Variants in SPAG9 observed in about 807,000 individuals in gnomAD.
The protein encoded by SPAG9 is sperm associated antigen 9.
In SPAG9, 35 loss-of-function variants were observed where a neutral mutation model predicts 166.5. The ratio of observed to expected loss-of-function variants is 0.21; its 90% confidence interval spans 0.16 to 0.28. The LOEUF (loss-of-function observed/expected upper bound fraction) is 0.28. Ranked by LOEUF, SPAG9 falls within the 10% of genes least tolerant of loss-of-function variation. The pLI, the probability that SPAG9 is intolerant of heterozygous loss-of-function variation, is 1.00. For missense variants in SPAG9, 1,235 were observed against 1,603.3 expected, an observed-to-expected ratio of 0.77 and a Z score of 3.92; for synonymous variants, 534 against 565.5, an observed-to-expected ratio of 0.94 and a Z score of 0.79.
chr17:51,014,503 G>A, intron 8 of SPAG9, 150 bp from the exon 9 acceptor site: 1 of 597,030 alleles, frequency 1.7e-6, no homozygotes, highest in South Asian at 3.4e-5. Flanking sequence ...TTTCTCAAAG[G>A]CTTCCTAAGA....
chr17:51,103,670 AT>A (rs1292331987), intron 1 of SPAG9, among the ~76,000 whole-genome samples: 1 of 152,192 alleles, frequency 6.6e-6, no homozygotes, highest in Non-Finnish European at 1.5e-5. Context: ...TCACATCTGT[AT>A]TCTCAGCATT....
chr17:51,060,949 C>T (rs1164707066), intron 2 of SPAG9, among the ~76,000 whole-genome samples: 6 of 150,782 alleles, frequency 4.0e-5, no homozygotes, highest in East Asian at 2.0e-4. Flanking sequence ...CTGGTTGAAG[C>T]GATTCTCCTG....
intron 24 of SPAG9, 140 bp from the exon 25 acceptor site, chr17:50,982,812 G>A: frequency 1.3e-6 from 1 of 782,284 alleles, no homozygotes; most frequent in Non-Finnish European, 1.9e-6. Flanking sequence ...TCTTTTATTT[G>A]CAGCCTGGGT....
At chr17:51,078,155 G>C (rs2048068113) in intron 2 of SPAG9, among the ~76,000 whole-genome samples, 1 of 152,046 alleles carries the variant, frequency 6.6e-6, no homozygotes, top group Admixed American at 6.6e-5. Flanking sequence ...TGGTAACAAA[G>C]GTATCCAACA....
intron 1 of SPAG9, among the ~76,000 whole-genome samples, chr17:51,092,483 T>A (rs911547750): frequency 6.6e-6 from 1 of 152,084 alleles, no homozygotes; most frequent in African/African-American, 2.4e-5. Flanking sequence ...GAACACTTAT[T>A]AAGTATTAAA....
intron 5 of SPAG9, among the ~76,000 whole-genome samples, chr17:51,039,301 G>A (rs571744363): frequency 3.5e-4 from 54 of 152,284 alleles, no homozygotes; most frequent in African/African-American, 1.3e-3. Context: ...AAATGACAGG[G>A]CATGTGACAT....
intron 1 of SPAG9, among the ~76,000 whole-genome samples, chr17:51,103,636 G>GAGCA (rs2048864787): frequency 6.6e-6 from 1 of 152,172 alleles, no homozygotes; most frequent in African/African-American, 2.4e-5. Context: ...GCTTTAGAAA[G>GAGCA]AGCAACTGGC....
chr17:51,100,587 G>A (rs983241848), intron 1 of SPAG9, among the ~76,000 whole-genome samples: 3 of 151,834 alleles, frequency 2.0e-5, no homozygotes, highest in African/African-American at 4.8e-5. Flanking sequence ...AGCCATAATC[G>A]TGCCACTGCA....
At chr17:51,012,605 C>T (rs140027521) in intron 9 of SPAG9, among the ~76,000 whole-genome samples, 1 of 151,936 alleles carries the variant, frequency 6.6e-6, no homozygotes, top group East Asian at 1.9e-4. Flanking sequence ...CTTAGCCCTC[C>T]ATGAGAAACG....
intron 25 of SPAG9, among the ~76,000 whole-genome samples, chr17:50,981,556 T>C (rs1415842979): frequency 2.0e-5 from 3 of 151,732 alleles, no homozygotes; most frequent in Admixed American, 1.3e-4. Flanking sequence ...AATAGATAGA[T>C]AGATAGAATT....
intron 4 of SPAG9, chr17:51,046,842 C>T (rs1319374453): frequency 4.6e-6 from 7 of 1,531,970 alleles, no homozygotes; most frequent in Non-Finnish European, 6.1e-6. Flanking sequence ...TTCTCCCCAC[C>T]TCATAACCAT....
At chr17:51,098,325 GT>G (rs76882928) in intron 1 of SPAG9, among the ~76,000 whole-genome samples, 44,939 of 150,234 alleles carry the variant, frequency 0.3, 6,741 homozygotes, top group Admixed American at 0.36. Flanking sequence ...ACAGTTCGTG[GT>G]TTTTTTTTTC....
At chr17:51,018,440 A>G (rs550220545) in intron 8 of SPAG9, among the ~76,000 whole-genome samples, 1 of 152,276 alleles carries the variant, frequency 6.6e-6, no homozygotes, top group South Asian at 2.1e-4. Flanking sequence ...TACCAAAATG[A>G]GACTAATTTC....
At chr17:51,058,637 C>T (rs2047422564) in intron 2 of SPAG9, among the ~76,000 whole-genome samples, 1 of 152,184 alleles carries the variant, frequency 6.6e-6, no homozygotes, top group Non-Finnish European at 1.5e-5. Context: ...AGAAACAACC[C>T]ATTCACAGAT....
Position 50,974,839 on chromosome 17 carries a change from G to A in SPAG9, c.3632C>T (p.Ser1211Leu), listed in dbSNP as rs1489956217. 11 of 1,611,734 alleles carry A rather than the reference G, an allele frequency of 6.8e-6. No homozygotes were observed. The highest frequency in any genetic ancestry group is 8.5e-6 in the Non-Finnish European group (10 of 1,179,624). ...GAAGCAAAGCTGTGCATGTGCCATT[G>A]AACAATAGGGTATAAATGTCCCTGG... ...VTPGTFIPYCSMAHAQLCFHG... is the reference protein window; with the variant it reads ...VTPGTFIPYCLMAHAQLCFHG... Residue 1211 changes from serine to leucine, a missense_variant, in exon 28 of 30, where the codon TCA becomes TTA. By Grantham distance (145) the Ser-to-Leu change is moderately radical (BLOSUM62 -2). Transcript: ENST00000262013.
chr17:51,053,411 G>C (rs1000478038), intron 3 of SPAG9, among the ~76,000 whole-genome samples: 1 of 151,818 alleles, frequency 6.6e-6, no homozygotes, highest in African/African-American at 2.4e-5. Context: ...CACTGGCCAG[G>C]AGCGGTGGCT....
At chr17:51,024,277 G>T (rs376852740) in intron 6 of SPAG9, among the ~76,000 whole-genome samples, 2 of 152,072 alleles carry the variant, frequency 1.3e-5, no homozygotes, top group East Asian at 3.9e-4. Context: ...AAAAGCATTA[G>T]TGATAAAATT....
intron 6 of SPAG9, among the ~76,000 whole-genome samples, chr17:51,024,892 T>C (rs2046092895): frequency 6.8e-6 from 1 of 147,766 alleles, no homozygotes; most frequent in South Asian, 2.1e-4. Flanking sequence ...ATATTAAATG[T>C]TCTTACCACA....
At position 50,970,600 on chromosome 17, in the gene SPAG9, A is replaced by G. The variant is rs373577522; in HGVS notation, c.3850+107T>C. The G allele has an allele frequency of 6.6e-4, 613 of 923,106 alleles. 8 individuals are homozygous for G. The South Asian group carries it at 0.012, about 19-fold the overall frequency. 57.2% of individuals were successfully genotyped at this position (923,106 alleles called of 1,614,324 possible). On this transcript the variant is annotated intron_variant, in intron 29 of 29. Transcript: ENST00000262013. ...ATCCTTTCGTGTGTAAAGAGCTCAAAGAGAACCTCTTATAAATCATTATCA... is the reference window on the plus strand; with the variant it reads ...ATCCTTTCGTGTGTAAAGAGCTCAAGGAGAACCTCTTATAAATCATTATCA...
Sources: gnomAD v4.1 joint callset for allele counts (sites outside exome capture counted in the v4.1 genomes callset) on GRCh38, gnomAD v4.1.1 for gene constraint, MANE v1.5 for transcripts, NCBI Gene and HGNC (gene_info 2026-07-23, HGNC 2026-07-21) for gene names.